SORCS3: variants seen among roughly 807,000 people sequenced by gnomAD.
SORCS3 encodes VPS10 domain-containing receptor SorCS3.
SORCS3 carries 57 observed loss-of-function variants against 146.3 expected under a neutral mutation model. The ratio of observed to expected loss-of-function variants is 0.39; its 90% CI spans 0.31 to 0.49. SORCS3 has a LOEUF of 0.49. Among genes scored for constraint, SORCS3 ranks in the 20% least tolerant of loss-of-function variants. The probability of loss-of-function intolerance (pLI) is 0.92; values close to 1 mark genes in which losing one functional copy is unlikely to be tolerated. For synonymous variants in SORCS3, 653 were observed against 618.5 expected (o/e 1.06, Z -0.83); for missense variants, 1,341 against 1,575.5 (o/e 0.85, Z 2.52).
At chr10:104,785,865 T>C (rs2017428950) in intron 1 of SORCS3, among the ~76,000 whole-genome samples, 1 of 152,232 alleles carries the variant, frequency 6.6e-6, no homozygotes, top group Non-Finnish European at 1.5e-5. Context: ...AAGTGGTCAA[T>C]CTTCTTACAG....
At chr10:105,190,052 A>G (rs1018439860) in intron 14 of SORCS3, among the ~76,000 whole-genome samples, 2 of 152,216 alleles carry the variant, frequency 1.3e-5, no homozygotes, top group African/African-American at 2.4e-5. Flanking sequence ...CTTTTATGCA[A>G]ACAGGCTATT....
chr10:105,117,193 G>T (rs2055899797), intron 7 of SORCS3, among the ~76,000 whole-genome samples: 2 of 152,040 alleles, frequency 1.3e-5, no homozygotes, highest in Admixed American at 1.3e-4. Flanking sequence ...ATGCACCCTG[G>T]AATGGCCTTC....
intron 3 of SORCS3, among the ~76,000 whole-genome samples, chr10:104,973,337 G>C (rs1254415240): frequency 6.6e-6 from 1 of 151,626 alleles, no homozygotes. Flanking sequence ...GACTCTTTTT[G>C]GTTGGTAAGC....
intron 1 of SORCS3, among the ~76,000 whole-genome samples, chr10:104,702,827 C>A (rs1433404671): frequency 1.3e-5 from 2 of 152,194 alleles, no homozygotes; most frequent in African/African-American, 2.4e-5. Context: ...CTTAATCTCA[C>A]TGAGTCTGGT....
At chr10:104,680,568 A>C (rs529349268) in intron 1 of SORCS3, among the ~76,000 whole-genome samples, 1 of 152,190 alleles carries the variant, frequency 6.6e-6, no homozygotes, top group African/African-American at 2.4e-5. Context: ...GAGTCATTTG[A>C]CCTCCCCATG....
intron 14 of SORCS3, among the ~76,000 whole-genome samples, chr10:105,191,439 A>G (rs562449928): frequency 3.8e-4 from 58 of 152,242 alleles, no homozygotes; most frequent in African/African-American, 1.3e-3. Context: ...TATATAATAT[A>G]AAGACTATAA....
intron 13 of SORCS3, 118 bp downstream of exon 13, chr10:105,167,467 T>G (rs555513313): frequency 2.8e-6 from 2 of 708,964 alleles, no homozygotes; most frequent in Admixed American, 2.9e-5. Flanking sequence ...ATCCATTTAT[T>G]TATCCATCCA....
intron 1 of SORCS3, among the ~76,000 whole-genome samples, chr10:104,814,854 C>T (rs947823568): frequency 6.6e-6 from 1 of 152,182 alleles, no homozygotes; most frequent in African/African-American, 2.4e-5. Context: ...CTTCAGCTCC[C>T]ATTTTTAAGT....
At position 105,157,285 on chromosome 10, in the gene SORCS3, G is replaced by A; in HGVS notation, c.1629+1G>A. 1.9e-6 allele frequency: 3 copies of A among 1,613,834 alleles called. No individual in the cohort carries two copies. Among genetic ancestry groups the A allele is most frequent in the Non-Finnish European group, 2.5e-6 (3 of 1,179,844 alleles). The stretch of plus-strand genomic sequence containing the variant: ...AGGAAGCCCAGTGCACTGCCTGCTG[G>A]TCAGTCACTCAGCCTCATGGGAAGT... On this transcript the variant is annotated splice_donor_variant, in intron 10 of 26. Transcript: ENST00000369701. LOFTEE classifies it high-confidence loss of function.
intron 2 of SORCS3, among the ~76,000 whole-genome samples, chr10:104,844,841 A>T (rs1204080421): frequency 1.3e-5 from 2 of 152,172 alleles, no homozygotes; most frequent in East Asian, 1.9e-4. Context: ...TCATCTTGAG[A>T]TCCTTAACTT....
At chr10:104,734,703 G>T (rs10884039) in intron 1 of SORCS3, among the ~76,000 whole-genome samples, 38,792 of 152,138 alleles carry the variant, frequency 0.25, 5,627 homozygotes, top group East Asian at 0.63. Flanking sequence ...TCCATAGCTT[G>T]CACTGATAGT....
chr10:104,854,472 C>G (rs1271149199), intron 2 of SORCS3, among the ~76,000 whole-genome samples: 4 of 152,162 alleles, frequency 2.6e-5, no homozygotes, highest in African/African-American at 9.7e-5. Flanking sequence ...GTATACTTTA[C>G]TCAGTCCCCC....
intron 18 of SORCS3, among the ~76,000 whole-genome samples, chr10:105,215,692 A>G (rs1057212454): frequency 6.6e-6 from 1 of 152,122 alleles, no homozygotes; most frequent in Non-Finnish European, 1.5e-5. Context: ...TTTAATTTAT[A>G]TTCATAAACT....
intron 1 of SORCS3, among the ~76,000 whole-genome samples, chr10:104,748,963 C>T (rs940071863): frequency 6.6e-6 from 1 of 152,196 alleles, no homozygotes; most frequent in African/African-American, 2.4e-5. Flanking sequence ...CAGCTGTGGT[C>T]AGGTGTCCAC....
intron 4 of SORCS3, among the ~76,000 whole-genome samples, chr10:104,989,173 A>T (rs1316904984): frequency 2.0e-5 from 3 of 152,220 alleles, no homozygotes; most frequent in African/African-American, 7.2e-5. Context: ...CAACTTTTAA[A>T]TGGTTTAATT....
chr10:104,751,924 C>CATATAT (rs71482435), intron 1 of SORCS3, among the ~76,000 whole-genome samples: 2,256 of 37,946 alleles, frequency 0.059, 337 homozygotes, highest in Non-Finnish European at 0.096. Context: ...TAATAGGAAG[C>CATATAT]ATATATATAT....
chr10:105,009,353 T>G (rs1323440239), intron 4 of SORCS3, among the ~76,000 whole-genome samples: 1 of 152,072 alleles, frequency 6.6e-6, no homozygotes, highest in Admixed American at 6.6e-5. Context: ...TAGATGTAAA[T>G]GCTAAATGCT....
intron 2 of SORCS3, among the ~76,000 whole-genome samples, chr10:104,883,032 C>T (rs1372369636): frequency 6.6e-6 from 1 of 152,178 alleles, no homozygotes; most frequent in African/African-American, 2.4e-5. Flanking sequence ...GGCTGTGCCA[C>T]CTGCCAGTCA....
At chr10:104,973,284 T>A (rs1168374124) in intron 3 of SORCS3, among the ~76,000 whole-genome samples, 80 of 151,266 alleles carry the variant, frequency 5.3e-4, no homozygotes, top group Middle Eastern at 3.5e-3. Context: ...CAGTTCCTCC[T>A]TGTACCTCTG....
Sources: allele counts gnomAD v4.1 joint callset (sites outside exome capture counted in the v4.1 genomes callset), GRCh38; gene constraint gnomAD v4.1.1; transcripts MANE v1.5; gene names NCBI Gene and HGNC (gene_info 2026-07-23, HGNC 2026-07-21).